The following PCDHGB6 variants were observed in gnomAD, a reference collection of about 807,000 sequenced individuals.
PCDHGB6 encodes the protein protocadherin gamma subfamily B, 6.
A neutral mutation model predicts 59.1 loss-of-function variants in PCDHGB6; 51 were observed. The ratio of observed to expected loss-of-function variants is 0.86; its 90% CI spans 0.69 to 1.09. The LOEUF (loss-of-function observed/expected upper bound fraction) is 1.09. PCDHGB6 is among the 50% of genes least tolerant of loss of function. The pLI is 0.00. For synonymous variants in PCDHGB6, 466 were observed against 495.1 expected (o/e 0.94, Z 0.78); for missense variants, 1,148 against 1,205.1 (o/e 0.95, Z 0.70).
chr5:141,465,629 C>A (rs1048373153), intron 1 of PCDHGB6, among the ~76,000 whole-genome samples: 1 of 152,204 alleles, frequency 6.6e-6, no homozygotes, highest in Non-Finnish European at 1.5e-5. Flanking sequence ...AGTCAACCAG[C>A]AAAATGCTTT....
At chr5:141,503,230 G>A (rs911238781) in intron 2 of PCDHGB6, among the ~76,000 whole-genome samples, 1 of 152,006 alleles carries the variant, frequency 6.6e-6, no homozygotes, top group African/African-American at 2.4e-5. Context: ...CCGTAAAGAT[G>A]GACAGTTTCT....
rs2154591169 is a variant in PCDHGB6 at position 141,493,606 on chromosome 5, T to A, written c.2419-1201T>A. Among the ~76,000 whole-genome samples, 1 of 152,278 alleles carries A rather than the reference T, an allele frequency of 6.6e-6. No homozygotes were observed. Among genetic ancestry groups the A allele is most frequent in the Non-Finnish European group, 1.5e-5 (1 of 68,022 alleles). ...ACAATCACTGCATTTCCATGTAGAT[T>A]CTGCTGTGTCTAAGAATACAGTGGC... On this transcript the variant is annotated intron_variant, in intron 1 of 3. Transcript: ENST00000520790. This position sits in a 1 kb window ranked among gnomAD's most constrained non-coding sequence, Gnocchi z 4.3.
Position 141,486,979 on chromosome 5 carries a change from C to T in PCDHGB6, c.2419-7828C>T. On this transcript the variant is annotated intron_variant, in intron 1 of 3. Transcript: ENST00000520790. This position sits in a 1 kb window ranked among gnomAD's most constrained non-coding sequence, Gnocchi z 5.0. ...CTGCTGTGGACTTGGATTCAGGTTACAATGCTTGGGTTTCCTATCAGCTCC... is the reference window on the plus strand; with the variant it reads ...CTGCTGTGGACTTGGATTCAGGTTATAATGCTTGGGTTTCCTATCAGCTCC... 6.2e-7 allele frequency: 1 copy of T among 1,614,200 alleles called. No individual in the cohort carries two copies. Among genetic ancestry groups the T allele is most frequent in the Non-Finnish European group, 8.5e-7 (1 of 1,180,032 alleles).
chr5:141,424,127 A>T (rs901831932), intron 1 of PCDHGB6: 1 of 486,538 alleles, frequency 2.1e-6, no homozygotes, highest in African/African-American at 2.1e-5. Flanking sequence ...GATCCTGTTG[A>T]TTTAATAGCA....
intron 1 of PCDHGB6, among the ~76,000 whole-genome samples, chr5:141,488,511 G>A (rs2099676160): frequency 6.6e-6 from 1 of 152,162 alleles, no homozygotes. Context: ...CCACATTTGG[G>A]GTCTGGGGTG....
chr5:141,473,479 G>A (rs1417960508), intron 1 of PCDHGB6, among the ~76,000 whole-genome samples: 1 of 152,118 alleles, frequency 6.6e-6, no homozygotes, highest in Non-Finnish European at 1.5e-5. Flanking sequence ...AAGTTCAATG[G>A]AAAAAATATA....
chr5:141,408,315 C>T lies in PCDHGB6; in HGVS notation c.113C>T (p.Pro38Leu), dbSNP rs757628906. The stretch of plus-strand genomic sequence containing the variant: ...AGTGAGCCGATCCGCTACTCGATTC[C>T]GGAGGAGCTGGCCAAGGGCTCGGTG... ...TLSEPIRYSIPEELAKGSVVG... is the reference protein window; with the variant it reads ...TLSEPIRYSILEELAKGSVVG... Residue 38 changes from proline (P) to leucine (L), a missense_variant, in exon 1 of 4, where the codon CCG (proline) becomes CTG (leucine). Pro to Leu is a moderately conservative substitution (Grantham distance 98). Coordinates refer to ENST00000520790, the MANE Select transcript of PCDHGB6 (RefSeq NM_018926.3). The T allele has an allele frequency of 5.6e-6, 9 of 1,613,712 alleles. No homozygotes were observed. The highest frequency in any genetic ancestry group is 6.8e-6 in the Non-Finnish European group (8 of 1,179,748).
Position 141,477,983 on chromosome 5 carries a change from C to T in PCDHGB6, c.2419-16824C>T. 1 of 1,614,126 alleles carries T rather than the reference C, an allele frequency of 6.2e-7. No individual in the cohort carries two copies. Among genetic ancestry groups the T allele is most frequent in the Non-Finnish European group, 8.5e-7 (1 of 1,180,024 alleles). ...TAACCAGAGCCTTTTTGCCATAGGGCTGCACACTGGTCAAATCAGTACTGC... is the reference window on the plus strand; with the variant it reads ...TAACCAGAGCCTTTTTGCCATAGGGTTGCACACTGGTCAAATCAGTACTGC... On this transcript the variant is annotated intron_variant, in intron 1 of 3. Coordinates refer to ENST00000520790, the MANE Select transcript of PCDHGB6 (RefSeq NM_018926.3). The surrounding 1 kb of genome is among the most constrained non-coding windows in gnomAD (Gnocchi z 4.9).
Position 141,489,784 on chromosome 5 carries a change from G to A in PCDHGB6, c.2419-5023G>A. 1 of 1,614,218 alleles carries A rather than the reference G, an allele frequency of 6.2e-7. No individual in the cohort carries two copies. Among genetic ancestry groups the A allele is most frequent in the Non-Finnish European group, 8.5e-7 (1 of 1,180,010 alleles). On this transcript the variant is annotated intron_variant, in intron 1 of 3. Transcript: ENST00000520790. This position sits in a 1 kb window ranked among gnomAD's most constrained non-coding sequence, Gnocchi z 4.5. ...CCCCAACAGCCACTTCTCTCTGAAT[G>A]TGAAGACCCTAAAAGATGGGAAGCC...
intron 2 of PCDHGB6, among the ~76,000 whole-genome samples, chr5:141,495,644 A>G (rs767670166): frequency 5.3e-5 from 8 of 151,770 alleles, no homozygotes; most frequent in Non-Finnish European, 1.0e-4. Context: ...TCATTTGTCT[A>G]CTTGCATTGA....
chr5:141,447,428 G>A (rs542079336), intron 1 of PCDHGB6, among the ~76,000 whole-genome samples: 4 of 152,182 alleles, frequency 2.6e-5, no homozygotes, highest in East Asian at 1.9e-4. Flanking sequence ...GTGAGCCACC[G>A]CACCCGGAGG....
intron 1 of PCDHGB6, chr5:141,417,670 A>T: frequency 1.1e-6 from 1 of 929,118 alleles, no homozygotes; most frequent in Admixed American, 3.2e-5. Context: ...TTCCCTGCGC[A>T]GCCAACAACA....
At position 141,510,228 on chromosome 5, in the gene PCDHGB6, G is replaced by A. The variant is rs529723748; in HGVS notation, c.2567-719G>A. The stretch of plus-strand genomic sequence containing the variant: ...GCAGAGGTTGCAGTGAGCCGGGATC[G>A]CGCCACTGCACTCCAGGCTGGGCGA... On this transcript the variant is annotated intron_variant, in intron 3 of 3. Coordinates refer to ENST00000520790, the MANE Select transcript of PCDHGB6 (RefSeq NM_018926.3). Among the ~76,000 whole-genome samples the A allele has an allele frequency of 1.4e-3, 208 of 150,722 alleles. 1 individual carries two copies. Among genetic ancestry groups the A allele is most frequent in the African/African-American group, 4.7e-3 (193 of 40,860 alleles).
chr5:141,444,364 T>C (rs1191889941), intron 1 of PCDHGB6, among the ~76,000 whole-genome samples: 2 of 151,718 alleles, frequency 1.3e-5, no homozygotes, highest in Admixed American at 1.3e-4. Context: ...AGAGACGGGG[T>C]TTCTCCATGT....
Position 141,489,338 on chromosome 5 carries a change from A to T in PCDHGB6, c.2419-5469A>T, listed in dbSNP as rs1303176012. 1 of 1,608,414 alleles carries T rather than the reference A, an allele frequency of 6.2e-7. No homozygotes were observed. Among genetic ancestry groups the T allele is most frequent in the South Asian group, 1.1e-5 (1 of 90,478 alleles). ...GGCTGGGTGTCTGGGCAGCTTCGTTACTCAGTGGTGGAGGAGTCTGAGCCG... is the reference window on the plus strand; with the variant it reads ...GGCTGGGTGTCTGGGCAGCTTCGTTTCTCAGTGGTGGAGGAGTCTGAGCCG... On this transcript the variant is annotated intron_variant, in intron 1 of 3. Coordinates refer to ENST00000520790, the MANE Select transcript of PCDHGB6 (RefSeq NM_018926.3). This position sits in a 1 kb window ranked among gnomAD's most constrained non-coding sequence, Gnocchi z 4.5.
At position 141,485,576 on chromosome 5, in the gene PCDHGB6, C is replaced by A; in HGVS notation, c.2419-9231C>A. 1 of 1,612,412 alleles carries A rather than the reference C, an allele frequency of 6.2e-7. No individual in the cohort carries two copies. The highest frequency in any genetic ancestry group is 8.5e-7 in the Non-Finnish European group (1 of 1,178,628). On this transcript the variant is annotated intron_variant, in intron 1 of 3. Transcript: ENST00000520790. The surrounding 1 kb of genome is among the most constrained non-coding windows in gnomAD (Gnocchi z 5.7). ...GAATGATCACGCCCCCCGTTTTCCGCGGCAGCAGCTGGACTTGGAAATTGG... is the reference window on the plus strand; with the variant it reads ...GAATGATCACGCCCCCCGTTTTCCGAGGCAGCAGCTGGACTTGGAAATTGG...
At chr5:141,435,413 A>G (rs1422263053) in intron 1 of PCDHGB6, among the ~76,000 whole-genome samples, 1 of 152,122 alleles carries the variant, frequency 6.6e-6, no homozygotes, top group Admixed American at 6.5e-5. Flanking sequence ...GGTAAAGACT[A>G]TTTTTCACTT....
At chr5:141,478,050 C>T (rs2099429383) in intron 1 of PCDHGB6, 1 of 1,614,066 alleles carries the variant, frequency 6.2e-7, no homozygotes, top group Non-Finnish European at 8.5e-7. Flanking sequence ...CAGACTCTCA[C>T]GGTCTTGATC....
At chr5:141,497,214 G>C (rs929868102) in intron 2 of PCDHGB6, among the ~76,000 whole-genome samples, 2 of 152,138 alleles carry the variant, frequency 1.3e-5, no homozygotes, top group African/African-American at 4.8e-5. Flanking sequence ...TGTAATGGGG[G>C]GGGGAAGATC....
Sources: gnomAD v4.1 joint callset for allele counts (sites outside exome capture counted in the v4.1 genomes callset) on GRCh38, gnomAD v4.1.1 for gene constraint, Gnocchi (gnomAD v3.1) non-coding constraint, MANE v1.5 for transcripts, NCBI Gene and HGNC (gene_info 2026-07-23, HGNC 2026-07-21) for gene names.